The following TEC variants were observed in gnomAD, a reference collection of about 807,000 sequenced individuals.
The protein encoded by TEC is tyrosine-protein kinase Tec.
In TEC, 72 loss-of-function variants were observed where a neutral mutation model predicts 93.0. That is an observed-to-expected ratio of 0.77 (90% CI 0.64 to 0.94). TEC has a LOEUF of 0.94. Among genes scored for constraint, TEC ranks in the 40% least tolerant of loss-of-function variants. TEC has a pLI of 0.00. For missense variants in TEC, 630 were observed against 757.9 expected (o/e 0.83, Z 1.98); for synonymous variants, 249 against 247.7 (o/e 1.01, Z -0.05).
At chr4:48,216,510 TA>T (rs5858108) in intron 2 of TEC, among the ~76,000 whole-genome samples, 94,910 of 151,926 alleles carry the variant, frequency 0.62, 29,803 homozygotes, top group Admixed American at 0.68. Flanking sequence ...AGTTCTTTTT[TA>T]AAAAAAATGC....
chr4:48,239,197 T>C (rs1383950483), intron 1 of TEC, among the ~76,000 whole-genome samples: 1 of 152,204 alleles, frequency 6.6e-6, no homozygotes, highest in Admixed American at 6.5e-5. Flanking sequence ...AAAATTTTGA[T>C]TAAAATTTTG....
chr4:48,152,154 A>G (rs1720198214), intron 9 of TEC, among the ~76,000 whole-genome samples: 1 of 152,162 alleles, frequency 6.6e-6, no homozygotes, highest in African/African-American at 2.4e-5. Flanking sequence ...GGCCGGACAC[A>G]GCGGCTCATA....
intron 14 of TEC, among the ~76,000 whole-genome samples, chr4:48,144,877 G>A (rs1719838157): frequency 6.6e-6 from 1 of 152,188 alleles, no homozygotes; most frequent in South Asian, 2.1e-4. Flanking sequence ...CTTGCTTGGA[G>A]ATATTAACTA....
intron 2 of TEC, among the ~76,000 whole-genome samples, chr4:48,178,602 G>A (rs1297610990): frequency 6.6e-6 from 1 of 152,166 alleles, no homozygotes; most frequent in East Asian, 1.9e-4. Context: ...CAGCTAGACT[G>A]TGAGAGATGC....
rs927333081 is a variant in TEC, at chr4:48,174,761, C to T, written c.243+1321G>A. On this transcript the variant is annotated intron_variant, in intron 3 of 17. Coordinates refer to ENST00000381501, the MANE Select transcript of TEC (RefSeq NM_003215.3). ...AAGAAGAAGGTTTAAATTTATCTTA[C>T]TTCTAGATCCAGGTGGTAGGTGTAA... 4.6e-5 allele frequency among the ~76,000 whole-genome samples: 7 copies of T among 151,970 alleles called. No individual in the cohort carries two copies. The East Asian group carries it at 1.2e-3, about 25-fold the overall frequency.
chr4:48,170,221 T>C, intron 5 of TEC, 27 bp downstream of exon 5: 3 of 1,545,320 alleles, frequency 1.9e-6, no homozygotes, highest in East Asian at 2.3e-5. Context: ...AAGCACAATA[T>C]AATTATGGAA....
chr4:48,192,173 A>G (rs1351555962), intron 2 of TEC, among the ~76,000 whole-genome samples: 2 of 152,256 alleles, frequency 1.3e-5, no homozygotes, highest in African/African-American at 4.8e-5. Context: ...TCACAGTAAT[A>G]GAAATGCAAT....
chr4:48,173,273 A>G (rs939760830), intron 3 of TEC, among the ~76,000 whole-genome samples: 3 of 152,170 alleles, frequency 2.0e-5, no homozygotes, highest in African/African-American at 7.2e-5. Context: ...ACTTCCTTAA[A>G]GTTTGTTAGA....
intron 2 of TEC, among the ~76,000 whole-genome samples, chr4:48,203,655 A>G (rs550582904): frequency 6.1e-4 from 93 of 152,182 alleles, no homozygotes; most frequent in Non-Finnish European, 1.2e-3. Context: ...GGGCTCTGGA[A>G]ATAAAGAACC....
chr4:48,183,766 T>C (rs541179728), intron 2 of TEC, among the ~76,000 whole-genome samples: 2 of 152,216 alleles, frequency 1.3e-5, no homozygotes, highest in African/African-American at 4.8e-5. Context: ...CCCATTTCCA[T>C]AATAAATCTC....
At chr4:48,225,377 A>G (rs570261119) in intron 2 of TEC, among the ~76,000 whole-genome samples, 1 of 152,170 alleles carries the variant, frequency 6.6e-6, no homozygotes, top group East Asian at 1.9e-4. Flanking sequence ...GGGTTTCACC[A>G]TGTTGGCCAG....
intron 2 of TEC, among the ~76,000 whole-genome samples, chr4:48,212,110 A>AAAAAAAAT: frequency 8.2e-6 from 1 of 122,264 alleles, no homozygotes; most frequent in African/African-American, 3.0e-5. Flanking sequence ...AAAAAAAAAA[A>AAAAAAAAT]ATATATATAT....
intron 1 of TEC, among the ~76,000 whole-genome samples, chr4:48,260,815 T>C (rs1423403755): frequency 6.6e-6 from 1 of 152,228 alleles, no homozygotes; most frequent in East Asian, 1.9e-4. Context: ...AATTATTTTC[T>C]AGAACATTGC....
intron 10 of TEC, among the ~76,000 whole-genome samples, chr4:48,150,357 GT>G (rs1720105534): frequency 6.6e-6 from 1 of 152,142 alleles, no homozygotes. Flanking sequence ...CTCCCTCCAA[GT>G]TTTTCCTGCT....
At chr4:48,173,537 C>T (rs1400383009) in intron 3 of TEC, among the ~76,000 whole-genome samples, 1 of 152,132 alleles carries the variant, frequency 6.6e-6, no homozygotes, top group Admixed American at 6.5e-5. Flanking sequence ...TTTCTCTCTG[C>T]CTTAATTCTT....
intron 1 of TEC, among the ~76,000 whole-genome samples, chr4:48,261,503 C>CA (rs1472781102): frequency 1.2e-4 from 19 of 152,172 alleles, no homozygotes; most frequent in African/African-American, 4.3e-4. Flanking sequence ...GGAAATCCCA[C>CA]AAGTCGTGGT....
At chr4:48,189,296 C>T (rs757159277) in intron 2 of TEC, among the ~76,000 whole-genome samples, 6 of 152,036 alleles carry the variant, frequency 3.9e-5, no homozygotes, top group Non-Finnish European at 8.8e-5. Context: ...GCCTAACACG[C>T]TCCCAACACA....
At chr4:48,173,866 C>A (rs1721215519) in intron 3 of TEC, among the ~76,000 whole-genome samples, 1 of 152,152 alleles carries the variant, frequency 6.6e-6, no homozygotes, top group African/African-American at 2.4e-5. Context: ...GAGCAACCAT[C>A]CCATCTAGGC....
At chr4:48,189,075 TTG>T (rs1722000849) in intron 2 of TEC, among the ~76,000 whole-genome samples, 1 of 152,192 alleles carries the variant, frequency 6.6e-6, no homozygotes, top group African/African-American at 2.4e-5. Context: ...TTTCAAATAA[TTG>T]TGTCTAAGGA....
Sources: gnomAD v4.1 joint callset for allele counts (sites outside exome capture counted in the v4.1 genomes callset) on GRCh38, gnomAD v4.1.1 for gene constraint, MANE v1.5 for transcripts, NCBI Gene and HGNC (gene_info 2026-07-23, HGNC 2026-07-21) for gene names.